Variants in TMEM120B observed in about 807,000 individuals in gnomAD.
TMEM120B encodes transmembrane protein 120B.
TMEM120B carries 31 observed loss-of-function variants against 55.5 expected under a neutral mutation model. The ratio of observed to expected loss-of-function variants is 0.56; its 90% CI spans 0.42 to 0.75. The LOEUF (loss-of-function observed/expected upper bound fraction) is 0.75, where lower values mean the gene tolerates loss of function less well. TMEM120B is among the 30% of genes least tolerant of loss of function. TMEM120B has a pLI of 0.00. For synonymous variants in TMEM120B, 203 were observed against 176.3 expected (o/e 1.15, Z -1.20); for missense variants, 399 against 425.5 (o/e 0.94, Z 0.55).
At chr12:121,729,585 A>G (rs1894957018) in intron 1 of TMEM120B, among the ~76,000 whole-genome samples, 1 of 150,838 alleles carries the variant, frequency 6.6e-6, no homozygotes, top group South Asian at 2.1e-4. Context: ...GTGGGAGAAT[A>G]GCGTCAGCCC....
intron 1 of TMEM120B, among the ~76,000 whole-genome samples, chr12:121,737,940 G>T (rs1872805526): frequency 6.6e-6 from 1 of 150,812 alleles, no homozygotes; most frequent in Non-Finnish European, 1.5e-5. Context: ...AACCCGGGAG[G>T]TGGAGCATAC....
At chr12:121,734,440 TAG>T (rs1895066091) in intron 1 of TMEM120B, among the ~76,000 whole-genome samples, 1 of 151,842 alleles carries the variant, frequency 6.6e-6, no homozygotes, top group South Asian at 2.1e-4. Context: ...GTACTTTTAG[TAG>T]AGATGGGGTT....
At position 121,761,874 on chromosome 12, in the gene TMEM120B, C is replaced by T. The variant is rs1411026395; in HGVS notation, c.551+136C>T. On this transcript the variant is annotated intron_variant, in intron 6 of 11. Coordinates refer to ENST00000449592, the MANE Select transcript of TMEM120B (RefSeq NM_001080825.2). Reference sequence around the variant, plus strand: ...GGGTTGCTCTGTGACTGTTCAGATCCAGGAAGGAGGAAAGCTGATGCTGTT... The same window carrying T: ...GGGTTGCTCTGTGACTGTTCAGATCTAGGAAGGAGGAAAGCTGATGCTGTT... The T allele has an allele frequency of 6.2e-6, 4 of 642,328 alleles. No individual in the cohort carries two copies. In the East Asian group the frequency reaches 1.1e-4, roughly 18 times the overall value. 39.8% of individuals were successfully genotyped at this position (642,328 alleles called of 1,614,324 possible).
chr12:121,756,576 G>A (rs144152731), intron 5 of TMEM120B, among the ~76,000 whole-genome samples: 190 of 152,248 alleles, frequency 1.2e-3, no homozygotes, highest in Admixed American at 2.6e-3. Flanking sequence ...AGAAATGGCC[G>A]CTGGGTGCAG....
intron 6 of TMEM120B, among the ~76,000 whole-genome samples, chr12:121,767,047 C>T (rs2669160): frequency 0.18 from 26,853 of 152,144 alleles, 2,664 homozygotes; most frequent in South Asian, 0.28. Context: ...AGAAGTCTAC[C>T]CTTGCAATTT....
intron 5 of TMEM120B, among the ~76,000 whole-genome samples, chr12:121,753,763 C>A (rs1445237363): frequency 6.6e-6 from 1 of 152,150 alleles, no homozygotes; most frequent in South Asian, 2.1e-4. Context: ...CTGGCTGTTA[C>A]TATGGGCAGG....
intron 1 of TMEM120B, among the ~76,000 whole-genome samples, chr12:121,721,101 T>C (rs1395904120): frequency 6.6e-6 from 1 of 152,160 alleles, no homozygotes; most frequent in African/African-American, 2.4e-5. Flanking sequence ...GTCTTCTACA[T>C]GCGGAGGATG....
intron 1 of TMEM120B, among the ~76,000 whole-genome samples, chr12:121,713,606 T>C (rs984910806): frequency 1.2e-4 from 19 of 152,176 alleles, no homozygotes; most frequent in Non-Finnish European, 1.5e-5. Context: ...TCTATCCTTC[T>C]GGCCCGGAGC....
At chr12:121,751,395 CCACCCCACTCT>C (rs1353654721) in intron 4 of TMEM120B, among the ~76,000 whole-genome samples, 1 of 123,630 alleles carries the variant, frequency 8.1e-6, no homozygotes, top group African/African-American at 3.2e-5. Flanking sequence ...TATTCACATC[CCACCCCACTCT>C]CACCCCACAC....
chr12:121,771,198 G>A (rs1183732649), intron 7 of TMEM120B, among the ~76,000 whole-genome samples: 7 of 152,168 alleles, frequency 4.6e-5, no homozygotes, highest in Non-Finnish European at 8.8e-5. Flanking sequence ...CAGAGGTAGC[G>A]GGGCTGCAAG....
At chr12:121,764,670 T>C (rs532761703) in intron 6 of TMEM120B, among the ~76,000 whole-genome samples, 1 of 151,542 alleles carries the variant, frequency 6.6e-6, no homozygotes, top group South Asian at 2.1e-4. Context: ...AAAAAAGTGC[T>C]CTGGGGCATG....
chr12:121,726,498 G>A (rs543546025), intron 1 of TMEM120B, among the ~76,000 whole-genome samples: 11 of 150,884 alleles, frequency 7.3e-5, no homozygotes, highest in African/African-American at 2.7e-4. Context: ...AGAAAGGCAT[G>A]AACCTGGGAG....
intron 10 of TMEM120B, 70 bp from the exon 11 acceptor site, chr12:121,774,992 A>G: frequency 6.4e-7 from 1 of 1,552,636 alleles, no homozygotes; most frequent in Non-Finnish European, 8.9e-7. Context: ...GGGCCTGGCC[A>G]TCACCCTGGC....
rs1874238472 is a variant in TMEM120B, at chr12:121,776,127, G to A, written c.*405G>A. On this transcript the variant is annotated 3_prime_UTR_variant, in exon 12 of 12. Transcript: ENST00000449592. ...CTGACCTGCTACTTACCAGGCCCAGGCTGGGGTGGTGTGAACCCTCAGTGT... is the reference window on the plus strand; with the variant it reads ...CTGACCTGCTACTTACCAGGCCCAGACTGGGGTGGTGTGAACCCTCAGTGT... 2 of 453,990 alleles carry A rather than the reference G, an allele frequency of 4.4e-6. No homozygotes were observed. The highest frequency in any genetic ancestry group is 8.2e-5 in the South Asian group (2 of 24,440). The allele number at this position is 453,990 out of a possible 1,614,324, so 28.1% of individuals were successfully genotyped here.
rs949333293 is a variant in TMEM120B, at chr12:121,777,240, G to A, written c.*1518G>A. On this transcript the variant is annotated 3_prime_UTR_variant, in exon 12 of 12. Coordinates refer to ENST00000449592, the MANE Select transcript of TMEM120B (RefSeq NM_001080825.2). ...CTGCCTCAGCCTCCCAAAGTGCTGG[G>A]ATTACAGGTGTGAGCCACCATGCCT... 1.3e-5 allele frequency: 2 copies of A among 151,996 alleles called. No homozygotes were observed. Among genetic ancestry groups the A allele is most frequent in the Non-Finnish European group, 2.9e-5 (2 of 68,030 alleles). 9.4% of individuals were successfully genotyped at this position (151,996 alleles called of 1,614,324 possible). A position where few individuals can be genotyped will look rare whatever the true frequency, so the allele number is the denominator to read the frequency against.
chr12:121,712,770 G>A lies in TMEM120B; in HGVS notation c.-126G>A. On this transcript the variant is annotated 5_prime_UTR_variant, in exon 1 of 12. Coordinates refer to ENST00000449592, the MANE Select transcript of TMEM120B (RefSeq NM_001080825.2). ...TGACGTCAGTTGCGCGCGTGGCTCT[G>A]GCTGCGCAGGAACAGCTGGTGCCTC... 1.7e-6 allele frequency: 1 copy of A among 572,706 alleles called. No individual in the cohort carries two copies. The highest frequency in any genetic ancestry group is 2.5e-6 in the Non-Finnish European group (1 of 394,856). The allele number at this position is 572,706 out of a possible 1,614,324, so 35.5% of individuals were successfully genotyped here.
intron 1 of TMEM120B, among the ~76,000 whole-genome samples, chr12:121,719,790 G>T (rs573754478): frequency 6.6e-6 from 1 of 152,114 alleles, no homozygotes; most frequent in East Asian, 1.9e-4. Flanking sequence ...TGCCTCTCGG[G>T]TTCAAGTGAT....
At chr12:121,771,063 GGGGGTGTGCTCCA>G (rs1874031337) in intron 7 of TMEM120B, 91 bp downstream of exon 7, 3 of 1,394,600 alleles carry the variant, frequency 2.2e-6, no homozygotes, top group Non-Finnish European at 3.0e-6. Context: ...GACAGCGGTG[GGGGGTGTGCTCCA>G]GGGCCAACTT....
At chr12:121,730,318 C>T (rs912385550) in intron 1 of TMEM120B, among the ~76,000 whole-genome samples, 1 of 150,668 alleles carries the variant, frequency 6.6e-6, no homozygotes, top group Non-Finnish European at 1.5e-5. Context: ...GCCTGGAGCA[C>T]ATTATGCTAA....
Sources: allele counts gnomAD v4.1 joint callset (sites outside exome capture counted in the v4.1 genomes callset), GRCh38; gene constraint gnomAD v4.1.1; transcripts MANE v1.5; gene names NCBI Gene and HGNC (gene_info 2026-07-23, HGNC 2026-07-21).